Variants in ARID1B observed in about 807,000 individuals in gnomAD.
The protein encoded by ARID1B is AT-rich interactive domain-containing protein 1B.
Under a neutral mutation model 212.3 loss-of-function variants are expected in ARID1B, and 30 were observed. The observed-to-expected ratio is 0.14, with a 90% CI of 0.11 to 0.19. ARID1B has a LOEUF of 0.19. Among genes scored for constraint, ARID1B ranks in the 10% least tolerant of loss-of-function variants. The probability of loss-of-function intolerance (pLI) is 1.00; values close to 1 mark genes in which losing one functional copy is unlikely to be tolerated. For missense variants in ARID1B, 2,891 were observed against 3,204.0 expected, an observed-to-expected ratio of 0.90 and a Z score of 2.36; for synonymous variants, 1,402 against 1,301.7, an observed-to-expected ratio of 1.08 and a Z score of -1.66.
chr6:156,813,959 C>G (rs1781790452), intron 1 of ARID1B, among the ~76,000 whole-genome samples: 1 of 152,308 alleles, frequency 6.6e-6, no homozygotes, highest in South Asian at 2.1e-4. Context: ...CTTCATGCTC[C>G]CGCGCTGTGG....
intron 4 of ARID1B, among the ~76,000 whole-genome samples, chr6:157,064,250 G>A (rs1198120656): frequency 4.6e-5 from 7 of 152,188 alleles, no homozygotes; most frequent in East Asian, 3.9e-4. Context: ...CTGGTCTGAC[G>A]ATAGGTACTG....
At chr6:157,055,576 A>G (rs1782907858) in intron 4 of ARID1B, among the ~76,000 whole-genome samples, 1 of 152,246 alleles carries the variant, frequency 6.6e-6, no homozygotes, top group Non-Finnish European at 1.5e-5. Flanking sequence ...AAATTCTTAC[A>G]GATCTCCTCT....
Position 157,208,543 on chromosome 6 carries a change from G to A in ARID1B, c.*652G>A, listed in dbSNP as rs1011245983. On this transcript the variant is annotated 3_prime_UTR_variant, in exon 20 of 20. Transcript: ENST00000636930. ...AGATTGAGAATACATACCTGACAAC[G>A]ATCCGGAAACTGCTCCTCACCACTC... is the stretch of plus-strand genomic sequence containing the variant. 1.7e-5 allele frequency: 4 copies of A among 232,854 alleles called. No homozygotes were observed. The highest frequency in any genetic ancestry group is 3.4e-5 in the Non-Finnish European group (4 of 117,676). 14.4% of individuals were successfully genotyped at this position (232,854 alleles called of 1,614,324 possible). A position where few individuals can be genotyped will look rare whatever the true frequency, so the allele number is the denominator to read the frequency against.
chr6:156,798,570 A>C (rs930652016), intron 1 of ARID1B, among the ~76,000 whole-genome samples: 1 of 152,260 alleles, frequency 6.6e-6, no homozygotes, highest in Admixed American at 6.5e-5. Context: ...AGAATATTTC[A>C]CTACCTTTGT....
intron 2 of ARID1B, among the ~76,000 whole-genome samples, chr6:156,876,853 T>C (rs905716119): frequency 1.3e-5 from 2 of 152,188 alleles, no homozygotes; most frequent in African/African-American, 4.8e-5. Flanking sequence ...GACCTCAGGA[T>C]GCTGCGAATC....
At chr6:157,025,249 A>G (rs1232450427) in intron 4 of ARID1B, among the ~76,000 whole-genome samples, 2 of 152,252 alleles carry the variant, frequency 1.3e-5, no homozygotes, top group Non-Finnish European at 2.9e-5. Flanking sequence ...GATGTGTTAC[A>G]CGGTGGAAAC....
chr6:157,145,036 C>T (rs1789626176), intron 7 of ARID1B, among the ~76,000 whole-genome samples: 1 of 152,140 alleles, frequency 6.6e-6, no homozygotes, highest in African/African-American at 2.4e-5. Flanking sequence ...CTGCGCTGTG[C>T]CTCTCCTGTT....
In ARID1B at chr6:156,778,430, G is replaced by A. The variant is rs1230900779; in HGVS notation, c.750G>A (p.Ala250=). 1 of 1,484,126 alleles carries A rather than the reference G, an allele frequency of 6.7e-7. No homozygotes were observed. The highest frequency in any genetic ancestry group is 8.9e-7 in the Non-Finnish European group (1 of 1,121,940). The allele number at this position is 1,484,126 out of a possible 1,614,324, so 91.9% of individuals were successfully genotyped here. ...PQHGGAKDSA[A]GGQADPPGPP... ...ATGGAGGCGCCAAGGACAGTGCTGC[G>A]GGCGGCCAGGCCGACCCCCCGGGCC... Residue 250 remains alanine (A), a synonymous_variant, in exon 1 of 20, where the codon GCG becomes GCA. Transcript: ENST00000636930.
At chr6:156,797,185 C>T (rs1406517039) in intron 1 of ARID1B, among the ~76,000 whole-genome samples, 1 of 152,138 alleles carries the variant, frequency 6.6e-6, no homozygotes, top group Admixed American at 6.5e-5. Flanking sequence ...GCTGGGGATA[C>T]CACAGTGACA....
chr6:157,081,997 G>C (rs1382341900), intron 4 of ARID1B, among the ~76,000 whole-genome samples: 1 of 152,028 alleles, frequency 6.6e-6, no homozygotes, highest in African/African-American at 2.4e-5. Flanking sequence ...ACTGCCGCTT[G>C]TTTATTGGTC....
At chr6:157,053,548 C>G (rs778196450) in intron 4 of ARID1B, among the ~76,000 whole-genome samples, 16 of 152,200 alleles carry the variant, frequency 1.1e-4, no homozygotes, top group Non-Finnish European at 2.1e-4. Context: ...ATTTCAGCTT[C>G]CTACTAGGCA....
intron 4 of ARID1B, among the ~76,000 whole-genome samples, chr6:156,959,745 T>G (rs1160718652): frequency 5.3e-5 from 8 of 152,120 alleles, no homozygotes. Flanking sequence ...AAAATACAGA[T>G]TCTTCCCCAT....
intron 4 of ARID1B, among the ~76,000 whole-genome samples, chr6:157,008,065 T>C (rs921525650): frequency 4.6e-5 from 7 of 152,222 alleles, no homozygotes; most frequent in Non-Finnish European, 1.0e-4. Context: ...TAAGTGCTAT[T>C]ACAGAGATGC....
intron 11 of ARID1B, among the ~76,000 whole-genome samples, chr6:157,180,380 AC>A (rs1562327894): frequency 6.8e-6 from 1 of 147,124 alleles, no homozygotes; most frequent in African/African-American, 2.7e-5. Context: ...AAAAAAAAAA[AC>A]AAAAAAAAAC....
intron 4 of ARID1B, among the ~76,000 whole-genome samples, chr6:156,983,258 G>A (rs1459545925): frequency 6.7e-6 from 1 of 150,146 alleles, no homozygotes; most frequent in Admixed American, 6.6e-5. Context: ...AGCCAGGCTT[G>A]GTGGCAGGCG....
rs2114986846 is a variant in ARID1B, at chr6:156,778,818, C to T, written c.1138C>T (p.His380Tyr). ...HEGYPNSQCN[H>Y]YPGYSRPGAG... ...AGGGTACCCCAACAGCCAGTGCAAC[C>T]ATTATCCGGGCTACAGCCGGCCCGG... Residue 380 changes from histidine to tyrosine, a missense_variant, in exon 1 of 20, where the codon CAT (histidine) becomes TAT (tyrosine). His to Tyr is a moderately conservative substitution (Grantham distance 83, BLOSUM62 2). Coordinates refer to ENST00000636930, the MANE Select transcript of ARID1B (RefSeq NM_001374828.1). The T allele has an allele frequency of 6.8e-7, 1 of 1,472,266 alleles. No individual in the cohort carries two copies. The highest frequency in any genetic ancestry group is 9.0e-7 in the Non-Finnish European group (1 of 1,107,032). The allele number at this position is 1,472,266 out of a possible 1,614,324, so 91.2% of individuals were successfully genotyped here. A position where few individuals can be genotyped will look rare whatever the true frequency, so the allele number is the denominator to read the frequency against.
chr6:157,034,211 T>C (rs1292873870), intron 4 of ARID1B, among the ~76,000 whole-genome samples: 1 of 152,234 alleles, frequency 6.6e-6, no homozygotes, highest in Non-Finnish European at 1.5e-5. Context: ...ACTTAGATAT[T>C]TATACCTAAG....
intron 4 of ARID1B, chr6:156,936,488 G>T (rs915484709): frequency 6.6e-6 from 1 of 151,176 alleles, no homozygotes; most frequent in African/African-American, 2.4e-5. Flanking sequence ...TACTTAATTT[G>T]CCTTCTTTTA....
rs777111597 is a variant in ARID1B, at chr6:156,901,330, T to G, written c.1987-46T>G. The G allele has an allele frequency of 5.0e-6, 8 of 1,610,828 alleles. No homozygotes were observed. The African/African-American group carries it at 1.1e-4, about 22-fold the overall frequency. On this transcript the variant is annotated intron_variant, in intron 2 of 19. Transcript: ENST00000636930. ...TGAAACCATATTTGATTTCATTTAATTGCACATTTTGACTTTCTCATTTGC... is the reference window on the plus strand; with the variant it reads ...TGAAACCATATTTGATTTCATTTAAGTGCACATTTTGACTTTCTCATTTGC...
Sources: gnomAD v4.1 joint callset for allele counts (sites outside exome capture counted in the v4.1 genomes callset) on GRCh38, gnomAD v4.1.1 for gene constraint, MANE v1.5 for transcripts, NCBI Gene and HGNC (gene_info 2026-07-23, HGNC 2026-07-21) for gene names.